The following JPH2 variants were observed in gnomAD, a reference collection of about 807,000 sequenced individuals.
JPH2 encodes junctophilin 2, also known as junctophilin-2.
Under a neutral mutation model 55.9 loss-of-function variants are expected in JPH2, and 38 were observed. The observed-to-expected ratio is 0.68, with a 90% CI of 0.52 to 0.89. The LOEUF is 0.89. JPH2 is among the 40% of genes least tolerant of loss of function. The probability of loss-of-function intolerance (pLI) is 0.00; values close to 1 mark genes in which losing one functional copy is unlikely to be tolerated. For synonymous variants in JPH2, 480 were observed against 472.4 expected (o/e 1.02, Z -0.21); for missense variants, 964 against 1,037.6 (o/e 0.93, Z 0.97).
rs1314385422 is a variant in JPH2, at chr20:44,176,312, ATC to A, written c.379+10013_379+10014del. Among the ~76,000 whole-genome samples the A allele has an allele frequency of 2.2e-5, 3 of 137,282 alleles. No homozygotes were observed. In the East Asian group the frequency reaches 6.8e-4, roughly 31 times the overall value. 90.1% of individuals were successfully genotyped at this position (137,282 alleles called of 152,430 possible). A position where few individuals can be genotyped will look rare whatever the true frequency, so the allele number is the denominator to read the frequency against. ...AATCTCATCAAATGGGTCAGATCCT[ATC>A]TGTCTTTTTTTTTTTTTTTTTTTTT... On this transcript the variant is annotated intron_variant, in intron 1 of 5. Coordinates refer to ENST00000372980, the MANE Select transcript of JPH2 (RefSeq NM_020433.5).
intron 2 of JPH2, among the ~76,000 whole-genome samples, chr20:44,133,670 T>G (rs2072340872): frequency 6.6e-6 from 1 of 151,426 alleles, no homozygotes; most frequent in African/African-American, 2.4e-5. Flanking sequence ...TAGGGGAGAT[T>G]CAAGTCTAAT....
intron 2 of JPH2, among the ~76,000 whole-genome samples, chr20:44,136,494 G>A (rs1456648876): frequency 1.3e-5 from 2 of 151,970 alleles, no homozygotes; most frequent in Non-Finnish European, 1.5e-5. Context: ...TGCTTGCTGC[G>A]CACCTACTAG....
At chr20:44,153,068 AG>A (rs1317796343) in intron 2 of JPH2, among the ~76,000 whole-genome samples, 1 of 152,202 alleles carries the variant, frequency 6.6e-6, no homozygotes, top group African/African-American at 2.4e-5. Flanking sequence ...TGGTGTGTGA[AG>A]GTAACAAAAA....
intron 2 of JPH2, among the ~76,000 whole-genome samples, chr20:44,128,455 A>G (rs1370436998): frequency 6.6e-6 from 1 of 152,194 alleles, no homozygotes; most frequent in Admixed American, 6.5e-5. Flanking sequence ...GCTAAGAGAG[A>G]CAAGACCAAG....
chr20:44,152,806 G>A (rs938023295), intron 2 of JPH2, among the ~76,000 whole-genome samples: 13 of 152,134 alleles, frequency 8.5e-5, no homozygotes, highest in Admixed American at 7.2e-4. Context: ...GGGTGCCTAC[G>A]GCTCTTTCAT....
chr20:44,126,972 G>A (rs1193659858), intron 2 of JPH2, among the ~76,000 whole-genome samples: 1 of 152,188 alleles, frequency 6.6e-6, no homozygotes, highest in Non-Finnish European at 1.5e-5. Flanking sequence ...AATGTGCTTA[G>A]CATGAACTGA....
At position 44,147,715 on chromosome 20, in the gene JPH2, T is replaced by A. The variant is rs1365922247; in HGVS notation, c.1169+11903A>T. 2.6e-5 allele frequency among the ~76,000 whole-genome samples: 4 copies of A among 152,238 alleles called. No individual in the cohort carries two copies. The East Asian group carries it at 7.7e-4, about 29-fold the overall frequency. On this transcript the variant is annotated intron_variant, in intron 2 of 5. Coordinates refer to ENST00000372980, the MANE Select transcript of JPH2 (RefSeq NM_020433.5). Reference sequence around the variant, plus strand: ...CTTCCTTGGATTTTAACGACAGATATGTTGTTTAGAACAATGTAAGAAAAG... The same window carrying A: ...CTTCCTTGGATTTTAACGACAGATAAGTTGTTTAGAACAATGTAAGAAAAG...
intron 2 of JPH2, among the ~76,000 whole-genome samples, chr20:44,119,609 C>G (rs1439751523): frequency 3.9e-5 from 6 of 152,086 alleles, no homozygotes; most frequent in Admixed American, 3.9e-4. Context: ...CACGGTGGCT[C>G]ACGCCTGTAA....
At chr20:44,118,659 T>A (rs2145840671) in intron 2 of JPH2, 36 bp from the exon 3 acceptor site, 1 of 1,540,454 alleles carries the variant, frequency 6.5e-7, no homozygotes, top group East Asian at 2.2e-5. Context: ...TCAGGATCCT[T>A]CCAGAGAACC....
chr20:44,124,556 G>C (rs6073340), intron 2 of JPH2, among the ~76,000 whole-genome samples: 4 of 151,810 alleles, frequency 2.6e-5, no homozygotes, highest in African/African-American at 9.7e-5. Context: ...GCTCACACCT[G>C]TAATCCCAGC....
rs1240325157 is a variant in JPH2, at chr20:44,109,132, G to A, written c.*4386C>T. Among the ~76,000 whole-genome samples, 1 of 152,212 alleles carries A rather than the reference G, an allele frequency of 6.6e-6. No individual in the cohort carries two copies. Among genetic ancestry groups the A allele is most frequent in the Non-Finnish European group, 1.5e-5 (1 of 68,038 alleles). On this transcript the variant is annotated 3_prime_UTR_variant, in exon 6 of 6. Coordinates refer to ENST00000372980, the MANE Select transcript of JPH2 (RefSeq NM_020433.5). The stretch of plus-strand genomic sequence containing the variant: ...AGCTCACTCTTTCATGGTGGGAGCA[G>A]TGTGGTTCTGTAAAAGAGCACAGCT...
chr20:44,140,088 G>T (rs1244458872), intron 2 of JPH2, among the ~76,000 whole-genome samples: 3 of 152,142 alleles, frequency 2.0e-5, no homozygotes, highest in Non-Finnish European at 4.4e-5. Context: ...AGGCAGGCTG[G>T]TCTCAATCTC....
At chr20:44,149,680 A>C (rs2072517491) in intron 2 of JPH2, among the ~76,000 whole-genome samples, 1 of 152,194 alleles carries the variant, frequency 6.6e-6, no homozygotes, top group Admixed American at 6.5e-5. Context: ...AGAGTACTTA[A>C]GAACTGGAAG....
intron 2 of JPH2, among the ~76,000 whole-genome samples, chr20:44,154,324 C>T (rs373439777): frequency 6.6e-5 from 10 of 152,188 alleles, no homozygotes; most frequent in African/African-American, 2.2e-4. Flanking sequence ...GTAACCATTT[C>T]AATATGTAAT....
chr20:44,178,688 G>A (rs2072755139), intron 1 of JPH2, among the ~76,000 whole-genome samples: 1 of 152,130 alleles, frequency 6.6e-6, no homozygotes, highest in Admixed American at 6.5e-5. Flanking sequence ...AAATGATCCA[G>A]AATAATCCAA....
intron 2 of JPH2, among the ~76,000 whole-genome samples, chr20:44,126,134 A>AAGAGAG (rs141811286): frequency 4.0e-5 from 2 of 50,292 alleles, no homozygotes; most frequent in Non-Finnish European, 7.5e-5. Flanking sequence ...TCAGAAGAAA[A>AAGAGAG]AGAGAGAGGG....
rs1490975685 is a variant in JPH2, at chr20:44,134,095, TATTTATTATAAATATATAA to T, written c.1170-15491_1170-15473del. ...TAAATATATATTTATTATAAATATA[TATTTATTATAAATATATAA>T]ATAAATATTTATTATAAATATATAA... On this transcript the variant is annotated intron_variant, in intron 2 of 5. Transcript: ENST00000372980. 4.4e-3 allele frequency among the ~76,000 whole-genome samples: 153 copies of T among 35,030 alleles called. 17 individuals carry two copies. The highest frequency in any genetic ancestry group is 5.9e-3 in the East Asian group (7 of 1,194). 23.0% of individuals were successfully genotyped at this position (35,030 alleles called of 152,430 possible).
intron 2 of JPH2, among the ~76,000 whole-genome samples, chr20:44,144,691 C>T (rs35098395): frequency 0.015 from 2,290 of 152,284 alleles, 29 homozygotes; most frequent in East Asian, 0.057. Flanking sequence ...CTCAGAGAAT[C>T]GGAAGCCCAG....
intron 2 of JPH2, among the ~76,000 whole-genome samples, chr20:44,138,192 G>A (rs1355479932): frequency 6.6e-6 from 1 of 151,894 alleles, no homozygotes; most frequent in Non-Finnish European, 1.5e-5. Flanking sequence ...ATTTTTAGTA[G>A]AGACGGGGTT....
Sources: gnomAD v4.1 joint callset for allele counts (sites outside exome capture counted in the v4.1 genomes callset) on GRCh38, gnomAD v4.1.1 for gene constraint, MANE v1.5 for transcripts, NCBI Gene and HGNC (gene_info 2026-07-23, HGNC 2026-07-21) for gene names.